Variants in FRMD1 observed in about 807,000 individuals in gnomAD.
The protein encoded by FRMD1 is FERM domain containing 1.
FRMD1 carries 51 observed loss-of-function variants against 54.9 expected under a neutral mutation model. That is an observed-to-expected ratio of 0.93 (90% CI 0.74 to 1.17). The LOEUF (loss-of-function observed/expected upper bound fraction) is 1.17, where lower values mean the gene tolerates loss of function less well. FRMD1 is among the 50% of genes most tolerant of loss of function. FRMD1 has a pLI of 0.00. For missense variants in FRMD1, 729 were observed against 743.0 expected (o/e 0.98, Z 0.22); for synonymous variants, 324 against 306.4 (o/e 1.06, Z -0.60).
upstream of FRMD1, among the ~76,000 whole-genome samples, chr6:168,084,751 T>C (rs1239377605): frequency 1.3e-5 from 2 of 152,158 alleles, no homozygotes; most frequent in Admixed American, 1.3e-4. Flanking sequence ...GTCCCTTCTG[T>C]GTTATCCTCC....
rs1469029148 is a variant in FRMD1, at chr6:168,078,866, C to T, written c.213+16G>A. 6.4e-7 allele frequency: 1 copy of T among 1,556,862 alleles called. No homozygotes were observed. Among genetic ancestry groups the T allele is most frequent in the Middle Eastern group, 1.7e-4 (1 of 5,798 alleles). On this transcript the variant is annotated intron_variant, in intron 1 of 10. Coordinates refer to ENST00000283309, the MANE Select transcript of FRMD1 (RefSeq NM_024919.6). ...CAGCTCTGTTTACCCCCACGGCCAC[C>T]CAGGGCCCTGCTCACCCCCACGGCC...
intron 4 of FRMD1, chr6:168,065,270 G>A: frequency 1.1e-5 from 14 of 1,325,478 alleles, no homozygotes; most frequent in Non-Finnish European, 1.3e-5. Flanking sequence ...GTGACTTGCT[G>A]CCACCAAGGA....
chr6:168,080,328 CAT>C (rs1214717923), upstream of FRMD1, among the ~76,000 whole-genome samples: 1 of 152,086 alleles, frequency 6.6e-6, no homozygotes, highest in Non-Finnish European at 1.5e-5. Context: ...CGAGGCCACA[CAT>C]GTGTGCCCAA....
intron 2 of FRMD1, among the ~76,000 whole-genome samples, chr6:168,072,933 TG>T (rs1261876774): frequency 6.6e-6 from 1 of 152,144 alleles, no homozygotes; most frequent in African/African-American, 2.4e-5. Context: ...TGATTAAAAG[TG>T]GGGCCTGGAG....
At chr6:168,057,830 G>A (rs534562335) in intron 10 of FRMD1, 190 of 176,132 alleles carry the variant, frequency 1.1e-3, no homozygotes, top group African/African-American at 4.1e-3. Flanking sequence ...CTCGGCTGCC[G>A]TGGCCCCTCA....
chr6:168,068,742 C>T (rs1800160213), intron 2 of FRMD1, among the ~76,000 whole-genome samples: 1 of 152,202 alleles, frequency 6.6e-6, no homozygotes, highest in Admixed American at 6.5e-5. Context: ...AAGTTAGTCC[C>T]TGATAAGGCA....
intron 4 of FRMD1, chr6:168,065,797 A>G (rs1799997222): frequency 1.0e-6 from 1 of 998,382 alleles, no homozygotes; most frequent in African/African-American, 1.7e-5. Flanking sequence ...CTTCCACACA[A>G]CCGCACACAT....
chr6:168,069,184 G>C (rs377170095), intron 2 of FRMD1, among the ~76,000 whole-genome samples: 23 of 152,312 alleles, frequency 1.5e-4, no homozygotes, highest in Middle Eastern at 6.8e-3. Context: ...GCAGAGTCTA[G>C]GGGAGTCCCC....
chr6:168,087,510 T>C (rs1800941531), intron 1 of FRMD1, among the ~76,000 whole-genome samples: 1 of 152,218 alleles, frequency 6.6e-6, no homozygotes, highest in African/African-American at 2.4e-5. Context: ...TAAAGGGCCC[T>C]GTCAGCCGCA....
At position 168,059,678 on chromosome 6, in the gene FRMD1, C is replaced by T. The variant is rs1799614688; in HGVS notation, c.1343-490G>A. Among the ~76,000 whole-genome samples, 1 of 152,170 alleles carries T rather than the reference C, an allele frequency of 6.6e-6. No homozygotes were observed. Among genetic ancestry groups the T allele is most frequent in the East Asian group, 1.9e-4 (1 of 5,170 alleles). On this transcript the variant is annotated intron_variant, in intron 9 of 10. Coordinates refer to ENST00000283309, the MANE Select transcript of FRMD1 (RefSeq NM_024919.6). The surrounding 1 kb of genome is among the most constrained non-coding windows in gnomAD (Gnocchi z 4.4). ...ATCCACCGTCAGGGCCGTGGGGACA[C>T]TCAGAGACCAGCAGAGCTCACGTCC... is the stretch of plus-strand genomic sequence containing the variant.
chr6:168,063,494 C>G, intron 6 of FRMD1, 107 bp downstream of exon 6: 1 of 1,295,370 alleles, frequency 7.7e-7, no homozygotes, highest in Non-Finnish European at 1.0e-6. Context: ...CATGGGGGCT[C>G]CATCCATCCC....
chr6:168,062,134 C>A (rs1208350527), intron 7 of FRMD1, among the ~76,000 whole-genome samples, 153 bp from the exon 8 acceptor site: 1 of 152,260 alleles, frequency 6.6e-6, no homozygotes, highest in African/African-American at 2.4e-5. Context: ...ACACTGTGCG[C>A]GGACACTGTG....
At chr6:168,065,217 C>G in intron 4 of FRMD1, 160 bp from the exon 5 acceptor site, 1 of 1,417,078 alleles carries the variant, frequency 7.1e-7, no homozygotes, top group Non-Finnish European at 9.2e-7. Context: ...CCCTGCAGGG[C>G]CAGCACGGCA....
At chr6:168,065,664 C>T (rs763683652) in intron 4 of FRMD1, 7 of 986,928 alleles carry the variant, frequency 7.1e-6, no homozygotes, top group Non-Finnish European at 8.4e-6. Flanking sequence ...TTCACACACC[C>T]CTCACTCTCC....
At chr6:168,087,108 C>A (rs1281647203) in intron 1 of FRMD1, among the ~76,000 whole-genome samples, 1 of 152,030 alleles carries the variant, frequency 6.6e-6, no homozygotes, top group Non-Finnish European at 1.5e-5. Flanking sequence ...TGCTCTGTTG[C>A]CCAGGCTGGA....
upstream of FRMD1, among the ~76,000 whole-genome samples, chr6:168,082,866 G>T (rs1340233628): frequency 6.6e-6 from 1 of 152,194 alleles, no homozygotes; most frequent in Non-Finnish European, 1.5e-5. Context: ...TGCGCAGCAG[G>T]GTACAGGGCC....
chr6:168,075,971 A>G, intron 1 of FRMD1: 1 of 1,043,648 alleles, frequency 9.6e-7, no homozygotes, highest in Non-Finnish European at 1.4e-6. Context: ...CCGTGTCCGC[A>G]TTTCCGGCGT....
At chr6:168,091,396 C>T (rs1801013404) in intron 1 of FRMD1, among the ~76,000 whole-genome samples, 1 of 152,234 alleles carries the variant, frequency 6.6e-6, no homozygotes, top group South Asian at 2.1e-4. Flanking sequence ...CTGCCCAGAG[C>T]CATCTCTGTC....
At chr6:168,069,348 G>A (rs1020149965) in intron 2 of FRMD1, among the ~76,000 whole-genome samples, 2 of 152,208 alleles carry the variant, frequency 1.3e-5, no homozygotes, top group Non-Finnish European at 2.9e-5. Flanking sequence ...AGCTGCTTTC[G>A]TACTGCAAAG....
Sources: allele counts gnomAD v4.1 joint callset (sites outside exome capture counted in the v4.1 genomes callset), GRCh38; gene constraint gnomAD v4.1.1; non-coding constraint Gnocchi (gnomAD v3.1); transcripts MANE v1.5; gene names NCBI Gene and HGNC (gene_info 2026-07-23, HGNC 2026-07-21).